The following ICA1L variants were observed in gnomAD, a reference collection of about 807,000 sequenced individuals.
The protein encoded by ICA1L is islet cell autoantigen 1 like.
In ICA1L, 50 loss-of-function variants were observed where a neutral mutation model predicts 61.3. The ratio of observed to expected loss-of-function variants is 0.82; its 90% CI spans 0.65 to 1.03. The LOEUF is 1.03. ICA1L is among the 50% of genes least tolerant of loss of function. ICA1L has a pLI of 0.00. For synonymous variants in ICA1L, 161 were observed against 191.3 expected (o/e 0.84, Z 1.31); for missense variants, 508 against 556.7 (o/e 0.91, Z 0.88).
At chr2:202,832,791 A>T (rs1228992871) in intron 1 of ICA1L, among the ~76,000 whole-genome samples, 1 of 152,126 alleles carries the variant, frequency 6.6e-6, no homozygotes, top group Admixed American at 6.6e-5. Flanking sequence ...TCTTAAAAAA[A>T]TAATAATAAC....
chr2:202,860,927 A>C (rs1348326648), intron 1 of ICA1L, among the ~76,000 whole-genome samples: 1 of 151,972 alleles, frequency 6.6e-6, no homozygotes, highest in East Asian at 1.9e-4. Flanking sequence ...AAGAGGGTCA[A>C]TTTATCAAGA....
intron 1 of ICA1L, among the ~76,000 whole-genome samples, chr2:202,839,299 G>C (rs528397060): frequency 2.0e-5 from 3 of 151,976 alleles, no homozygotes; most frequent in African/African-American, 7.3e-5. Context: ...AGAAGATCGA[G>C]ACCGTCCTGG....
chr2:202,796,483 A>T (rs1348821927), intron 10 of ICA1L, among the ~76,000 whole-genome samples: 3 of 152,228 alleles, frequency 2.0e-5, no homozygotes, highest in Admixed American at 2.0e-4. Flanking sequence ...AGGAAACCAG[A>T]ACGTTGGGGG....
chr2:202,864,353 C>G (rs1687408987), intron 1 of ICA1L, among the ~76,000 whole-genome samples: 1 of 152,004 alleles, frequency 6.6e-6, no homozygotes, highest in African/African-American at 2.4e-5. Context: ...ACGCCATTCT[C>G]CTGCCTCAGC....
At chr2:202,829,792 T>C (rs1196332635) in intron 1 of ICA1L, among the ~76,000 whole-genome samples, 1 of 152,208 alleles carries the variant, frequency 6.6e-6, no homozygotes, top group Non-Finnish European at 1.5e-5. Flanking sequence ...TATATTTTAT[T>C]TGATATCTAT....
In ICA1L at chr2:202,773,609, T is replaced by A; in HGVS notation, c.*5924A>T. On this transcript the variant is annotated 3_prime_UTR_variant, in exon 13 of 13. Coordinates refer to ENST00000358299, the MANE Select transcript of ICA1L (RefSeq NM_001288622.3). Reference sequence around the variant, plus strand: ...GCCGTCCACAGTCCTAAGCCTGATATGCTCAAAGCAAAGCCTCTTTCCCAC... The same window carrying A: ...GCCGTCCACAGTCCTAAGCCTGATAAGCTCAAAGCAAAGCCTCTTTCCCAC... The A allele has an allele frequency of 1.7e-6, 1 of 587,944 alleles. No individual in the cohort carries two copies. Among genetic ancestry groups the A allele is most frequent in the South Asian group, 2.0e-5 (1 of 48,992 alleles). 36.4% of individuals were successfully genotyped at this position (587,944 alleles called of 1,614,324 possible).
At chr2:202,825,274 G>A (rs1293184671) in intron 3 of ICA1L, among the ~76,000 whole-genome samples, 1 of 152,096 alleles carries the variant, frequency 6.6e-6, no homozygotes, top group African/African-American at 2.4e-5. Context: ...TTTGAAACCA[G>A]TCTGGGCAGC....
At chr2:202,782,747 GAGA>G (rs908128511) in intron 12 of ICA1L, among the ~76,000 whole-genome samples, 3 of 152,032 alleles carry the variant, frequency 2.0e-5, no homozygotes, top group African/African-American at 7.2e-5. Flanking sequence ...CCTTCTTGGT[GAGA>G]AGTTTTTTTT....
At chr2:202,816,392 T>C (rs1386165231) in intron 6 of ICA1L, among the ~76,000 whole-genome samples, 2 of 152,224 alleles carry the variant, frequency 1.3e-5, no homozygotes, top group South Asian at 2.1e-4. Context: ...TTTATGTTGA[T>C]GGGAATATAT....
At chr2:202,835,550 AT>A (rs35895700) in intron 1 of ICA1L, among the ~76,000 whole-genome samples, 13,029 of 143,532 alleles carry the variant, frequency 0.091, 683 homozygotes, top group Non-Finnish European at 0.12. Flanking sequence ...AATGCTACTG[AT>A]TTTTTTTTTT....
intron 10 of ICA1L, among the ~76,000 whole-genome samples, chr2:202,792,425 T>G (rs1692781720): frequency 6.6e-6 from 1 of 152,080 alleles, no homozygotes; most frequent in Non-Finnish European, 1.5e-5. Flanking sequence ...AGCCAAAAAT[T>G]ATAAACAACC....
chr2:202,839,286 G>A (rs910488537), intron 1 of ICA1L, among the ~76,000 whole-genome samples: 1 of 152,122 alleles, frequency 6.6e-6, no homozygotes, highest in East Asian at 1.9e-4. Context: ...GGATCACAAG[G>A]TCAGAAGATC....
intron 3 of ICA1L, chr2:202,825,393 C>T: frequency 2.9e-6 from 1 of 345,280 alleles, no homozygotes; most frequent in Non-Finnish European, 4.5e-6. Flanking sequence ...TCACTTGAGC[C>T]CAGGTGGTGG....
chr2:202,787,963 ACATCAGAAG>A (rs1692638446), intron 11 of ICA1L, among the ~76,000 whole-genome samples: 1 of 152,208 alleles, frequency 6.6e-6, no homozygotes, highest in Non-Finnish European at 1.5e-5. Flanking sequence ...CCATTACTGA[ACATCAGAAG>A]CAGAAGAAGC....
At chr2:202,847,713 A>ATATATATATATATATAT (rs1242055604) in intron 1 of ICA1L, among the ~76,000 whole-genome samples, 9 of 147,478 alleles carry the variant, frequency 6.1e-5, no homozygotes, top group African/African-American at 1.3e-4. Flanking sequence ...ATATATAGTT[A>ATATATATATATATATAT]AGCAGTGAGA....
chr2:202,814,480 A>C (rs1442743599), intron 8 of ICA1L, among the ~76,000 whole-genome samples: 2 of 152,230 alleles, frequency 1.3e-5, no homozygotes, highest in African/African-American at 4.8e-5. Flanking sequence ...CTTCCCAGCC[A>C]GCAGAACCAT....
At position 202,849,429 on chromosome 2, in the gene ICA1L, C is replaced by T. The variant is rs1027539122; in HGVS notation, c.-7-20413G>A. 2.0e-5 allele frequency among the ~76,000 whole-genome samples: 3 copies of T among 152,172 alleles called. No homozygotes were observed. The highest frequency in any genetic ancestry group is 2.9e-5 in the Non-Finnish European group (2 of 68,030). ...ACAGCAGTCTGAAGTTGATCTGGGA[C>T]GATCAAGCTTGGTGGGGGCAGGGGC... On this transcript the variant is annotated intron_variant, in intron 1 of 12. Coordinates refer to ENST00000358299, the MANE Select transcript of ICA1L (RefSeq NM_001288622.3). The surrounding 1 kb of genome is among the most constrained non-coding windows in gnomAD (Gnocchi z 4.5).
chr2:202,837,003 A>T (rs1694171458), intron 1 of ICA1L, among the ~76,000 whole-genome samples: 1 of 151,640 alleles, frequency 6.6e-6, no homozygotes, highest in Non-Finnish European at 1.5e-5. Flanking sequence ...CACCAAGCCC[A>T]GGTAATTTTT....
At chr2:202,839,187 C>T (rs557946116) in intron 1 of ICA1L, among the ~76,000 whole-genome samples, 2 of 152,070 alleles carry the variant, frequency 1.3e-5, no homozygotes, top group African/African-American at 4.8e-5. Context: ...TTCAGTTAAT[C>T]TAAATGTGTC....
Sources: allele counts gnomAD v4.1 joint callset (sites outside exome capture counted in the v4.1 genomes callset), GRCh38; gene constraint gnomAD v4.1.1; non-coding constraint Gnocchi (gnomAD v3.1); transcripts MANE v1.5; gene names NCBI Gene and HGNC (gene_info 2026-07-23, HGNC 2026-07-21).